The following SLC36A1 variants were observed in gnomAD, a reference collection of about 807,000 sequenced individuals.
SLC36A1 encodes proton-coupled amino acid transporter 1.
In SLC36A1, 30 loss-of-function variants were observed where a neutral mutation model predicts 47.5. The ratio of observed to expected loss-of-function variants is 0.63; its 90% CI spans 0.47 to 0.86. The LOEUF is 0.86. SLC36A1 is among the 40% of genes least tolerant of loss of function. The probability of loss-of-function intolerance (pLI) is 0.00; values close to 1 mark genes in which losing one functional copy is unlikely to be tolerated. For synonymous variants in SLC36A1, 255 were observed against 249.7 expected (o/e 1.02, Z -0.20); for missense variants, 517 against 606.0 (o/e 0.85, Z 1.54).
At chr5:151,370,533 A>C in the SLC36A1 span, among the ~76,000 whole-genome samples, 7 of 152,122 alleles carry the variant, frequency 4.6e-5, no homozygotes, top group Non-Finnish European at 1.0e-4. Context: ...AAACCTTCCC[A>C]CATTTCCTAA....
At chr5:151,356,339 C>CAAAAAAAAAAAAAAAAAAAAAAAAAA in the SLC36A1 span, among the ~76,000 whole-genome samples, 124 of 51,284 alleles carry the variant, frequency 2.4e-3, 4 homozygotes, top group East Asian at 4.1e-3. Context: ...CTCTGTCTCA[C>CAAAAAAAAAAAAAAAAAAAAAAAAAA]AAAAAAAAAA....
chr5:151,371,792 A>C, the SLC36A1 span, among the ~76,000 whole-genome samples: 5 of 152,296 alleles, frequency 3.3e-5, no homozygotes, highest in South Asian at 1.0e-3. Context: ...TTTCTACCTA[A>C]TAGCATTACA....
At chr5:151,401,287 T>G in the SLC36A1 span, among the ~76,000 whole-genome samples, 32 of 152,208 alleles carry the variant, frequency 2.1e-4, no homozygotes, top group African/African-American at 7.7e-4. Flanking sequence ...AGGGAGTCCT[T>G]TGCCCATTCC....
At chr5:151,493,150 C>T (rs6874050), downstream of SLC36A1, among the ~76,000 whole-genome samples, 369 of 152,290 alleles carry the variant, frequency 2.4e-3, 5 homozygotes, top group African/African-American at 8.5e-3. Context: ...GACACCCCTT[C>T]CCTTCCCTTT....
the SLC36A1 span, among the ~76,000 whole-genome samples, chr5:151,368,396 A>G: frequency 4.4e-3 from 677 of 152,312 alleles, 7 homozygotes; most frequent in African/African-American, 0.016. Context: ...CCTAATTAAA[A>G]TGTGTTTTCT....
chr5:151,372,758 A>C, the SLC36A1 span, among the ~76,000 whole-genome samples: 1 of 152,202 alleles, frequency 6.6e-6, no homozygotes, highest in African/African-American at 2.4e-5. Flanking sequence ...CTTTTGATAA[A>C]GTTATCAGTG....
chr5:151,424,728 TA>T, the SLC36A1 span, among the ~76,000 whole-genome samples: 1,890 of 152,284 alleles, frequency 0.012, 26 homozygotes, highest in Non-Finnish European at 0.016. Flanking sequence ...TCGAGTATTC[TA>T]AAGTTTACAA....
At chr5:151,540,783 C>T in the SLC36A1 span, 1 of 1,595,422 alleles carries the variant, frequency 6.3e-7, no homozygotes, top group Non-Finnish European at 8.6e-7. Flanking sequence ...TGGGGCAGAG[C>T]TTTCAGAAGC....
the SLC36A1 span, among the ~76,000 whole-genome samples, chr5:151,388,698 A>C: frequency 1.3e-5 from 2 of 151,932 alleles, no homozygotes; most frequent in Non-Finnish European, 2.9e-5. Context: ...TCTTTTCGTC[A>C]ACACTTTCCT....
At chr5:151,479,196 A>T in intron 9 of SLC36A1, 124 bp from the exon 10 acceptor site, 2 of 1,011,270 alleles carry the variant, frequency 2.0e-6, no homozygotes. Context: ...GCTGGGTCCG[A>T]AGGACATGTG....
At chr5:151,348,370 A>G in the SLC36A1 span, among the ~76,000 whole-genome samples, 1 of 152,194 alleles carries the variant, frequency 6.6e-6, no homozygotes, top group Non-Finnish European at 1.5e-5. Context: ...TCTCTGCTTC[A>G]GTGCAGATGA....
At chr5:151,412,907 A>T in the SLC36A1 span, among the ~76,000 whole-genome samples, 1 of 144,258 alleles carries the variant, frequency 6.9e-6, no homozygotes, top group Non-Finnish European at 1.5e-5. Flanking sequence ...TTCCCTTCTT[A>T]GTGACTGCTC....
At chr5:151,498,247 G>A in the SLC36A1 span, among the ~76,000 whole-genome samples, 2 of 152,196 alleles carry the variant, frequency 1.3e-5, no homozygotes, top group African/African-American at 4.8e-5. Flanking sequence ...GCACGGCCAG[G>A]GGGGTGGGAA....
the SLC36A1 span, among the ~76,000 whole-genome samples, chr5:151,519,826 A>G: frequency 6.6e-6 from 1 of 152,172 alleles, no homozygotes; most frequent in African/African-American, 2.4e-5. Flanking sequence ...TCTTCAATGC[A>G]AGCCCTTGCA....
the SLC36A1 span, chr5:151,366,364 A>C: frequency 5.9e-6 from 1 of 169,802 alleles, no homozygotes; most frequent in South Asian, 1.3e-4. Flanking sequence ...GTGAAGCGGG[A>C]AATGTTGAGT....
chr5:151,443,569 G>A (rs566428884), upstream of SLC36A1, among the ~76,000 whole-genome samples: 8 of 152,232 alleles, frequency 5.3e-5, no homozygotes, highest in African/African-American at 7.2e-5. Flanking sequence ...GATATTAAGC[G>A]CTTATTAGAC....
At chr5:151,399,077 T>C in the SLC36A1 span, among the ~76,000 whole-genome samples, 1 of 83,778 alleles carries the variant, frequency 1.2e-5, no homozygotes, top group Non-Finnish European at 2.1e-5. Flanking sequence ...TATATATATA[T>C]ATATATATTT....
chr5:151,430,040 A>G, the SLC36A1 span, among the ~76,000 whole-genome samples: 3 of 152,084 alleles, frequency 2.0e-5, no homozygotes, highest in African/African-American at 7.2e-5. Flanking sequence ...GCAAACCTTT[A>G]CTGAGCTCCT....
At chr5:151,376,025 A>T in the SLC36A1 span, among the ~76,000 whole-genome samples, 2 of 152,100 alleles carry the variant, frequency 1.3e-5, no homozygotes, top group Non-Finnish European at 2.9e-5. Flanking sequence ...GACTTCCAGT[A>T]CCATGTTGAA....
Sources: gnomAD v4.1 joint callset for allele counts (sites outside exome capture counted in the v4.1 genomes callset) on GRCh38, gnomAD v4.1.1 for gene constraint, MANE v1.5 for transcripts, NCBI Gene and HGNC (gene_info 2026-07-23, HGNC 2026-07-21) for gene names.